SLC24A2: variants seen among roughly 807,000 people sequenced by gnomAD.
The protein encoded by SLC24A2 is solute carrier family 24 member 2.
Under a neutral mutation model 62.0 loss-of-function variants are expected in SLC24A2, and 36 were observed. That is an observed-to-expected ratio of 0.58 (90% CI 0.44 to 0.77). The LOEUF (loss-of-function observed/expected upper bound fraction) is 0.77, where lower values mean the gene tolerates loss of function less well. SLC24A2 is among the 30% of genes least tolerant of loss of function. The pLI is 0.00. For synonymous variants in SLC24A2, 358 were observed against 294.0 expected, an observed-to-expected ratio of 1.22 and a Z score of -2.23; for missense variants, 846 against 817.9, an observed-to-expected ratio of 1.03 and a Z score of -0.42.
At chr9:20,299,985 C>T in the SLC24A2 span, among the ~76,000 whole-genome samples, 1 of 152,180 alleles carries the variant, frequency 6.6e-6, no homozygotes, top group African/African-American at 2.4e-5. Context: ...CCAGGATCTG[C>T]TTTTTAAGCT....
At chr9:20,210,955 A>T in the SLC24A2 span, among the ~76,000 whole-genome samples, 1 of 152,100 alleles carries the variant, frequency 6.6e-6, no homozygotes, top group Non-Finnish European at 1.5e-5. Context: ...AACAGTCAAT[A>T]TAAACCTTTT....
At chr9:20,120,984 T>G in the SLC24A2 span, among the ~76,000 whole-genome samples, 18 of 151,426 alleles carry the variant, frequency 1.2e-4, 1 homozygote, top group South Asian at 1.1e-3. Context: ...CTTTATTTAT[T>G]TGCCTATTCT....
chr9:19,842,742 A>C, the SLC24A2 span, among the ~76,000 whole-genome samples: 1 of 152,176 alleles, frequency 6.6e-6, no homozygotes, highest in East Asian at 1.9e-4. Flanking sequence ...GCTGTATTGT[A>C]TATATTGTGC....
At chr9:19,696,671 A>C (rs191865674) in intron 2 of SLC24A2, among the ~76,000 whole-genome samples, 1 of 152,322 alleles carries the variant, frequency 6.6e-6, no homozygotes, top group Admixed American at 6.5e-5. Context: ...CCGAAAGATA[A>C]AAGAAAATAT....
At chr9:20,014,369 CT>C in the SLC24A2 span, among the ~76,000 whole-genome samples, 1 of 151,958 alleles carries the variant, frequency 6.6e-6, no homozygotes, top group Non-Finnish European at 1.5e-5. Flanking sequence ...AGTAACCCCA[CT>C]TCTGGGTATA....
intron 2 of SLC24A2, among the ~76,000 whole-genome samples, chr9:19,700,437 G>A (rs1407412482): frequency 6.6e-6 from 1 of 152,066 alleles, no homozygotes; most frequent in Non-Finnish European, 1.5e-5. Context: ...TATTTACTTT[G>A]TTTTTTTGAT....
chr9:19,779,736 G>T (rs768540217), intron 2 of SLC24A2, among the ~76,000 whole-genome samples: 31 of 152,172 alleles, frequency 2.0e-4, no homozygotes, highest in Non-Finnish European at 3.8e-4. Flanking sequence ...CTTAAAAAAT[G>T]AAAGTTATAA....
chr9:19,934,208 C>A, the SLC24A2 span, among the ~76,000 whole-genome samples: 2 of 152,192 alleles, frequency 1.3e-5, no homozygotes, highest in African/African-American at 4.8e-5. The surrounding 1 kb of genome is among the most constrained non-coding windows in gnomAD (Gnocchi z 4.1). Context: ...TACAGCCTGG[C>A]TCTCTGAGAG....
At chr9:20,005,114 G>C in the SLC24A2 span, among the ~76,000 whole-genome samples, 3,351 of 152,216 alleles carry the variant, frequency 0.022, 135 homozygotes, top group African/African-American at 0.075. Flanking sequence ...AGAAAGGAGG[G>C]TGTCTAGAGA....
At position 19,636,315 on chromosome 9, in the gene SLC24A2, T is replaced by TTTTCTTTTCTTTCTTTC; in HGVS notation, c.931-14017_931-14016insGAAAGAAAGAAAAGAAA. On this transcript the variant is annotated intron_variant, in intron 2 of 10. Coordinates refer to ENST00000341998, the MANE Select transcript of SLC24A2 (RefSeq NM_020344.4). ...TTTTCTTTTCTTTTCTTTTCTTTTCTTTTCTTTCTTTCTTTCTTTCTTTCT... is the reference window on the plus strand; with the variant it reads ...TTTTCTTTTCTTTTCTTTTCTTTTCTTTTCTTTTCTTTCTTTCTTTCTTTCTTTCTTTCTTTCTTTCT... Among the ~76,000 whole-genome samples, 96 of 40,078 alleles carry TTTTCTTTTCTTTCTTTC rather than the reference T, an allele frequency of 2.4e-3. 1 individual carries two copies. Among genetic ancestry groups the TTTTCTTTTCTTTCTTTC allele is most frequent in the Non-Finnish European group, 3.2e-3 (67 of 21,134 alleles). The allele number at this position is 40,078 out of a possible 152,430, so 26.3% of individuals were successfully genotyped here.
At chr9:19,851,711 T>A in the SLC24A2 span, among the ~76,000 whole-genome samples, 3 of 152,130 alleles carry the variant, frequency 2.0e-5, no homozygotes, top group African/African-American at 7.2e-5. Context: ...ACCACATTTT[T>A]AAAAAATCCA....
chr9:20,091,232 T>C, the SLC24A2 span, among the ~76,000 whole-genome samples: 994 of 150,876 alleles, frequency 6.6e-3, 10 homozygotes, highest in African/African-American at 0.022. Flanking sequence ...CTATGAATCA[T>C]TGGCATTGCT....
the SLC24A2 span, among the ~76,000 whole-genome samples, chr9:20,304,361 T>C: frequency 6.6e-6 from 1 of 152,208 alleles, no homozygotes; most frequent in African/African-American, 2.4e-5. Context: ...GAGTGATCTT[T>C]TTTTGAAGGG....
At chr9:20,084,165 T>C in the SLC24A2 span, among the ~76,000 whole-genome samples, 1 of 152,330 alleles carries the variant, frequency 6.6e-6, no homozygotes, top group East Asian at 1.9e-4. Flanking sequence ...GAAAATAGTG[T>C]TGCCAAGTTA....
intron 7 of SLC24A2, 89 bp downstream of exon 7, chr9:19,573,262 G>T: frequency 1.1e-6 from 1 of 885,898 alleles, no homozygotes; most frequent in Non-Finnish European, 1.9e-6. Flanking sequence ...GAGAGCTGGG[G>T]CTTCCAAGGA....
chr9:19,708,589 A>G (rs533491825), intron 2 of SLC24A2, among the ~76,000 whole-genome samples: 1 of 152,352 alleles, frequency 6.6e-6, no homozygotes, highest in Non-Finnish European at 1.5e-5. Flanking sequence ...CAGAGCCCTT[A>G]GAAATAATGC....
chr9:19,848,974 CG>C, the SLC24A2 span, among the ~76,000 whole-genome samples: 1 of 152,276 alleles, frequency 6.6e-6, no homozygotes, highest in African/African-American at 2.4e-5. Flanking sequence ...ATAAATAAAA[CG>C]TGGATTCTGC....
the SLC24A2 span, among the ~76,000 whole-genome samples, chr9:19,995,136 G>A: frequency 6.6e-6 from 1 of 151,442 alleles, no homozygotes; most frequent in African/African-American, 2.4e-5. Context: ...AATATGATAG[G>A]GATTGAGGAT....
chr9:19,977,709 C>A, the SLC24A2 span, among the ~76,000 whole-genome samples: 1 of 152,276 alleles, frequency 6.6e-6, no homozygotes, highest in African/African-American at 2.4e-5. Flanking sequence ...ATTGTATCTC[C>A]TGTCTTTTGT....
Sources: gnomAD v4.1 joint callset for allele counts (sites outside exome capture counted in the v4.1 genomes callset) on GRCh38, gnomAD v4.1.1 for gene constraint, Gnocchi (gnomAD v3.1) non-coding constraint, MANE v1.5 for transcripts, NCBI Gene and HGNC (gene_info 2026-07-23, HGNC 2026-07-21) for gene names.